The following R3HCC1L variants were observed in gnomAD, a reference collection of about 807,000 sequenced individuals.
R3HCC1L encodes the protein R3H domain and coiled-coil containing 1 like.
A neutral mutation model predicts 59.9 loss-of-function variants in R3HCC1L; 51 were observed. The observed-to-expected ratio is 0.85, with a 90% CI of 0.68 to 1.07. The LOEUF (loss-of-function observed/expected upper bound fraction) is 1.07. R3HCC1L is among the 50% of genes least tolerant of loss of function. The pLI is 0.00. For missense variants in R3HCC1L, 965 were observed against 933.0 expected (o/e 1.03, Z -0.45); for synonymous variants, 322 against 315.2 (o/e 1.02, Z -0.23).
intron 4 of R3HCC1L, among the ~76,000 whole-genome samples, chr10:98,188,646 A>G (rs536167294): frequency 2.0e-4 from 31 of 152,292 alleles, no homozygotes; most frequent in Admixed American, 3.3e-4. Flanking sequence ...AAAGAAGGCA[A>G]TTGGGGCTTC....
At chr10:98,138,615 A>G (rs1006009691) in intron 1 of R3HCC1L, among the ~76,000 whole-genome samples, 1 of 152,122 alleles carries the variant, frequency 6.6e-6, no homozygotes. Flanking sequence ...ATTCTCATCT[A>G]TAGTGTGTGA....
rs1857938507 is a variant in R3HCC1L at position 98,244,727 on chromosome 10, A to G, written c.*569A>G. On this transcript the variant is annotated 3_prime_UTR_variant, in exon 10 of 10. Coordinates refer to ENST00000298999, the MANE Select transcript of R3HCC1L (RefSeq NM_001351015.2). ...AGGAGATGTGGGTATTTAGACTCCA[A>G]AGTTTATACTGAGCTCAGTGCCTGG... 6.5e-6 allele frequency: 1 copy of G among 152,740 alleles called. No homozygotes were observed. The highest frequency in any genetic ancestry group is 1.9e-4 in the East Asian group (1 of 5,200). 9.5% of individuals were successfully genotyped at this position (152,740 alleles called of 1,614,324 possible).
At chr10:98,169,568 G>A (rs1468689408) in intron 4 of R3HCC1L, among the ~76,000 whole-genome samples, 2 of 152,088 alleles carry the variant, frequency 1.3e-5, no homozygotes, top group Admixed American at 6.5e-5. Flanking sequence ...TGCTTGTAGG[G>A]CCTAAACTGT....
At chr10:98,183,958 G>GTTTTTTTTTTTTTTTTTTTTTTTTTT (rs71007380) in intron 4 of R3HCC1L, among the ~76,000 whole-genome samples, 8 of 126,570 alleles carry the variant, frequency 6.3e-5, no homozygotes, top group African/African-American at 2.1e-4. Flanking sequence ...TCCTTTTTCG[G>GTTTTTTTTTTTTTTTTTTTTTTTTTT]TTTTTTTTTT....
intron 5 of R3HCC1L, among the ~76,000 whole-genome samples, chr10:98,214,660 T>C (rs878878288): frequency 6.6e-6 from 1 of 152,210 alleles, no homozygotes. Flanking sequence ...TGGTTTGTTA[T>C]GTTTAATTGT....
At chr10:98,203,791 G>A (rs1472283194) in intron 4 of R3HCC1L, among the ~76,000 whole-genome samples, 4 of 152,200 alleles carry the variant, frequency 2.6e-5, no homozygotes, top group African/African-American at 9.6e-5. Context: ...TTTTCTCTCA[G>A]GGAGCCGTGG....
chr10:98,200,255 TTGAG>T (rs67007465), intron 4 of R3HCC1L, among the ~76,000 whole-genome samples: 39,550 of 151,860 alleles, frequency 0.26, 6,031 homozygotes, highest in South Asian at 0.42. Flanking sequence ...CTTCGTGTGA[TTGAG>T]TATTTACAGC....
At chr10:98,173,415 T>G (rs1848702336) in intron 4 of R3HCC1L, among the ~76,000 whole-genome samples, 1 of 152,172 alleles carries the variant, frequency 6.6e-6, no homozygotes, top group Non-Finnish European at 1.5e-5. Flanking sequence ...TGCTTTTCAC[T>G]TCAGACTGGG....
chr10:98,232,955 A>G (rs1856549565), intron 6 of R3HCC1L, among the ~76,000 whole-genome samples: 1 of 152,200 alleles, frequency 6.6e-6, no homozygotes, highest in Non-Finnish European at 1.5e-5. Context: ...TCTATAACTA[A>G]CAGAAAGAAA....
chr10:98,235,336 A>G, intron 7 of R3HCC1L, 89 bp from the exon 8 acceptor site: 1 of 1,088,816 alleles, frequency 9.2e-7, no homozygotes, highest in Non-Finnish European at 1.3e-6. Context: ...AAAAAGCATA[A>G]CATCTAGGAA....
chr10:98,164,046 A>T (rs1478867472), intron 4 of R3HCC1L, among the ~76,000 whole-genome samples: 1 of 151,992 alleles, frequency 6.6e-6, no homozygotes, highest in East Asian at 1.9e-4. Context: ...CCAGCTTCTG[A>T]CTCTCCTGTG....
chr10:98,136,886 G>C (rs997906502), intron 1 of R3HCC1L, among the ~76,000 whole-genome samples: 6 of 152,194 alleles, frequency 3.9e-5, no homozygotes. Flanking sequence ...GTCACATAAG[G>C]TCGGGTGTGG....
chr10:98,171,211 G>T (rs1212201059), intron 4 of R3HCC1L, among the ~76,000 whole-genome samples: 1 of 152,160 alleles, frequency 6.6e-6, no homozygotes, highest in South Asian at 2.1e-4. Flanking sequence ...CTTAATATCT[G>T]TGTAACCACA....
At chr10:98,217,239 A>G (rs1454813677) in intron 5 of R3HCC1L, among the ~76,000 whole-genome samples, 1 of 152,192 alleles carries the variant, frequency 6.6e-6, no homozygotes, top group Middle Eastern at 3.2e-3. Flanking sequence ...TTCTGCATAT[A>G]GACATCCAAT....
intron 4 of R3HCC1L, among the ~76,000 whole-genome samples, chr10:98,181,325 C>G (rs1849599352): frequency 6.6e-6 from 1 of 152,174 alleles, no homozygotes; most frequent in Non-Finnish European, 1.5e-5. Flanking sequence ...AAATTCTTTT[C>G]TTTAAGAATG....
chr10:98,188,650 G>A (rs1850494435), intron 4 of R3HCC1L, among the ~76,000 whole-genome samples: 1 of 152,074 alleles, frequency 6.6e-6, no homozygotes, highest in Non-Finnish European at 1.5e-5. Context: ...AAGGCAATTG[G>A]GGCTTCTCAT....
intron 9 of R3HCC1L, among the ~76,000 whole-genome samples, chr10:98,237,185 G>A (rs1044341017): frequency 5.3e-5 from 8 of 152,150 alleles, no homozygotes; most frequent in African/African-American, 1.9e-4. Flanking sequence ...TTATAATGAG[G>A]CAGTTTCCAT....
chr10:98,211,318 GC>G, intron 5 of R3HCC1L: 1 of 1,524,886 alleles, frequency 6.6e-7, no homozygotes. Context: ...GGATTCTGAT[GC>G]ACATAAAGCC....
In R3HCC1L at chr10:98,164,965, A is replaced by C. The variant is rs78738214; in HGVS notation, c.-15+1568A>C. ...CAAGGTGTTATTGATTCTGTCATCA[A>C]AACTGTAAAGTTGCCTGGGCATGGC... On this transcript the variant is annotated intron_variant, in intron 4 of 9. Transcript: ENST00000298999. Among the ~76,000 whole-genome samples the C allele has an allele frequency of 1.1e-4, 17 of 152,326 alleles. No homozygotes were observed. The East Asian group carries it at 2.9e-3, about 26-fold the overall frequency.
Sources: gnomAD v4.1 joint callset for allele counts (sites outside exome capture counted in the v4.1 genomes callset) on GRCh38, gnomAD v4.1.1 for gene constraint, MANE v1.5 for transcripts, NCBI Gene and HGNC (gene_info 2026-07-23, HGNC 2026-07-21) for gene names.